Variants in RNF214 observed in about 807,000 individuals in gnomAD.
The protein encoded by RNF214 is ring finger protein 214.
RNF214 carries 25 observed loss-of-function variants against 75.9 expected under a neutral mutation model. The ratio of observed to expected loss-of-function variants is 0.33; its 90% CI spans 0.24 to 0.46. RNF214 has a LOEUF of 0.46. RNF214 is among the 20% of genes least tolerant of loss of function. RNF214 has a pLI of 1.00. For synonymous variants in RNF214, 314 were observed against 308.8 expected (o/e 1.02, Z -0.18); for missense variants, 725 against 857.5 (o/e 0.85, Z 1.93).
intron 6 of RNF214, among the ~76,000 whole-genome samples, chr11:117,278,292 A>G (rs1171720640): frequency 6.6e-6 from 1 of 152,178 alleles, no homozygotes; most frequent in African/African-American, 2.4e-5. Flanking sequence ...TGACAGAGTG[A>G]GACTCTGTCT....
chr11:117,258,995 C>T (rs752393759), intron 6 of RNF214, among the ~76,000 whole-genome samples: 4 of 152,138 alleles, frequency 2.6e-5, no homozygotes, highest in East Asian at 1.9e-4. Flanking sequence ...TTCACTCTGT[C>T]GTCCAAGCTG....
chr11:117,281,271 G>A (rs552372955), intron 8 of RNF214, 43 bp from the exon 9 acceptor site: 1 of 1,407,706 alleles, frequency 7.1e-7, no homozygotes, highest in African/African-American at 1.4e-5. Context: ...GTTCCTAGCA[G>A]GGCTTTCTTT....
intron 5 of RNF214, among the ~76,000 whole-genome samples, chr11:117,246,065 G>A (rs588763): frequency 0.72 from 108,700 of 152,026 alleles, 40,368 homozygotes; most frequent in East Asian, 0.95. Context: ...TTCTGGGCTC[G>A]AGCTATCCTT....
At chr11:117,281,287 T>C (rs748402102) in intron 8 of RNF214, 27 bp from the exon 9 acceptor site, 1 of 1,550,536 alleles carries the variant, frequency 6.4e-7, no homozygotes, top group South Asian at 1.1e-5. Flanking sequence ...TCTTTAAATC[T>C]GTAAATTCCT....
At chr11:117,276,593 C>G (rs1794308057) in intron 6 of RNF214, among the ~76,000 whole-genome samples, 1 of 152,070 alleles carries the variant, frequency 6.6e-6, no homozygotes, top group Admixed American at 6.5e-5. Context: ...GTGAAACCCT[C>G]TCTCTAAAAA....
Position 117,241,427 on chromosome 11 carries a change from A to G in RNF214, c.678+1567A>G, listed in dbSNP as rs371424143. 1.4e-4 allele frequency among the ~76,000 whole-genome samples: 22 copies of G among 152,042 alleles called. No homozygotes were observed. In the East Asian group the frequency reaches 3.7e-3, roughly 25 times the overall value. On this transcript the variant is annotated intron_variant, in intron 4 of 14. Coordinates refer to ENST00000300650, the MANE Select transcript of RNF214 (RefSeq NM_207343.4). ...AAACCCCATCTCTACTAAAAATACA[A>G]AAATTAGCTGGGTGTGGTGGCGCAT... is the stretch of plus-strand genomic sequence containing the variant.
chr11:117,279,349 T>TG (rs2034080622), intron 6 of RNF214, among the ~76,000 whole-genome samples: 1 of 143,200 alleles, frequency 7.0e-6, no homozygotes, highest in Non-Finnish European at 1.5e-5. Context: ...TTTTTTTTTT[T>TG]GAGACAGAGT....
rs1350847832 is a variant in RNF214, at chr11:117,244,456, G to A, written c.690G>A (p.Met230Ile). The change falls in exon 5 of 15, where the codon ATG becomes ATA. Residue 230 changes from methionine to isoleucine, a missense_variant. By Grantham distance (10) the Met-to-Ile change is conservative. Transcript: ENST00000300650. ...QDIEKNLDKM[M>I]TERTLLKERY... ...CTTGTTCATAATAGGATAAAATGAT[G>A]ACAGAGAGAACCCTGTTGAAAGAGC... The A allele has an allele frequency of 6.2e-7, 1 of 1,608,522 alleles. No individual in the cohort carries two copies.
rs749069596 is a variant in RNF214 at position 117,281,874 on chromosome 11, C to T, written c.1336-20C>T. On this transcript the variant is annotated intron_variant, in intron 10 of 14. Coordinates refer to ENST00000300650, the MANE Select transcript of RNF214 (RefSeq NM_207343.4). Reference sequence around the variant, plus strand: ...TTTTTCTTCCTTTCTCTCTCGTCCTCTACCTCTTCTCCTCTGCAGACAGAC... The same window carrying T: ...TTTTTCTTCCTTTCTCTCTCGTCCTTTACCTCTTCTCCTCTGCAGACAGAC... The T allele has an allele frequency of 6.2e-7, 1 of 1,609,064 alleles. No individual in the cohort carries two copies. The highest frequency in any genetic ancestry group is 8.5e-7 in the Non-Finnish European group (1 of 1,176,978).
intron 6 of RNF214, among the ~76,000 whole-genome samples, chr11:117,247,677 C>CA (rs2033262272): frequency 6.6e-6 from 1 of 151,654 alleles, no homozygotes; most frequent in Non-Finnish European, 1.5e-5. Context: ...ATGGTGAAAC[C>CA]CCATCTCTAC....
At chr11:117,247,488 T>A (rs642673) in intron 6 of RNF214, among the ~76,000 whole-genome samples, 18,488 of 152,018 alleles carry the variant, frequency 0.12, 1,107 homozygotes, top group Middle Eastern at 0.16. Context: ...GAGCAAGACC[T>A]TGTCTCTTAA....
rs1176436279 is a variant in RNF214 at position 117,267,921 on chromosome 11, T to G, written c.960-11987T>G. Among the ~76,000 whole-genome samples, 4 of 152,122 alleles carry G rather than the reference T, an allele frequency of 2.6e-5. No homozygotes were observed. The East Asian group carries it at 7.7e-4, about 29-fold the overall frequency. On this transcript the variant is annotated intron_variant, in intron 6 of 14. Coordinates refer to ENST00000300650, the MANE Select transcript of RNF214 (RefSeq NM_207343.4). ...CCCAGAAAACCTCTCACTAAGGCGG[T>G]AGAGAAAGACAACAGTTTTATTATT...
intron 6 of RNF214, among the ~76,000 whole-genome samples, chr11:117,254,583 C>T (rs916563934): frequency 2.0e-5 from 3 of 151,854 alleles, no homozygotes; most frequent in African/African-American, 7.3e-5. Flanking sequence ...TCCTGTATTA[C>T]TCCAGTCCTG....
intron 2 of RNF214, among the ~76,000 whole-genome samples, chr11:117,237,435 C>T (rs1402688900): frequency 1.3e-5 from 2 of 152,094 alleles, no homozygotes; most frequent in African/African-American, 4.8e-5. Flanking sequence ...GAAACAAAGA[C>T]GCATCAACTT....
intron 2 of RNF214, among the ~76,000 whole-genome samples, chr11:117,238,365 A>C (rs948704118): frequency 6.6e-6 from 1 of 152,232 alleles, no homozygotes; most frequent in Non-Finnish European, 1.5e-5. Flanking sequence ...TGATGGCGGC[A>C]CTGCACTCTA....
At chr11:117,233,046 C>T (rs2032760911) in intron 1 of RNF214, among the ~76,000 whole-genome samples, 1 of 152,172 alleles carries the variant, frequency 6.6e-6, no homozygotes, top group Non-Finnish European at 1.5e-5. Context: ...CCGTCTGTCC[C>T]CTGTTCTCGC....
chr11:117,247,642 G>A (rs2033261051), intron 6 of RNF214, among the ~76,000 whole-genome samples: 1 of 152,102 alleles, frequency 6.6e-6, no homozygotes, highest in Non-Finnish European at 1.5e-5. Flanking sequence ...CACGAGGTCA[G>A]GAGATCGAGA....
chr11:117,234,374 T>G lies in RNF214; in HGVS notation c.102T>G (p.Gly34=). The change falls in exon 2 of 15, where the codon GGT becomes GGG. Residue 34 remains glycine (G), a synonymous_variant. Transcript: ENST00000300650. ...ASKSDEGLPD[G]LSTKDSAQKQ... is the part of the protein sequence containing the mutation. ...AATCAGACGAAGGTCTCCCAGATGG[T>G]CTAAGGTAATGTGTGGACTCCTGAC... 2 of 1,608,348 alleles carry G rather than the reference T, an allele frequency of 1.2e-6. No individual in the cohort carries two copies. The highest frequency in any genetic ancestry group is 1.7e-6 in the Non-Finnish European group (2 of 1,174,732).
At chr11:117,236,954 G>A (rs530712069) in intron 2 of RNF214, among the ~76,000 whole-genome samples, 29 of 152,332 alleles carry the variant, frequency 1.9e-4, no homozygotes, top group African/African-American at 6.3e-4. Context: ...GTAACTTGCC[G>A]AGAGTCAAAC....
Sources: gnomAD v4.1 joint callset for allele counts (sites outside exome capture counted in the v4.1 genomes callset) on GRCh38, gnomAD v4.1.1 for gene constraint, MANE v1.5 for transcripts, NCBI Gene and HGNC (gene_info 2026-07-23, HGNC 2026-07-21) for gene names.